Variants in NAA80 observed in about 807,000 individuals in gnomAD.
The protein encoded by NAA80 is N-alpha-acetyltransferase 80.
NAA80 carries 5 observed loss-of-function variants against 8.7 expected under a neutral mutation model. The ratio of observed to expected loss-of-function variants is 0.58; its 90% CI spans 0.30 to 1.21. The LOEUF (loss-of-function observed/expected upper bound fraction) is 1.21, where lower values mean the gene tolerates loss of function less well. Among genes scored for constraint, NAA80 ranks in the 50% most tolerant of loss-of-function variants. NAA80 has a pLI of 0.07. For synonymous variants in NAA80, 149 were observed against 156.6 expected (o/e 0.95, Z 0.36); for missense variants, 360 against 368.6 (o/e 0.98, Z 0.19).
chr3:50,297,142 G>C lies in NAA80; in HGVS notation c.322C>G (p.Leu108Val). 1 of 1,589,038 alleles carries C rather than the reference G, an allele frequency of 6.3e-7. No homozygotes were observed. The highest frequency in any genetic ancestry group is 8.6e-7 in the Non-Finnish European group (1 of 1,166,314). ...SDAFPLCLML[L>V]SPHPTLEAAP... ...GCTTCAAGTGTGGGGTGGGGGCTTAGCAGCATCAGGCAGAGGGGGAAGGCA... is the reference window on the plus strand; with the variant it reads ...GCTTCAAGTGTGGGGTGGGGGCTTACCAGCATCAGGCAGAGGGGGAAGGCA... The change falls in exon 2 of 2, where the codon CTA (leucine) becomes GTA (valine). Residue 108 changes from leucine (L) to valine (V), a missense_variant. Coordinates refer to ENST00000443094, the MANE Select transcript of NAA80 (RefSeq NM_001200016.2). The surrounding 1 kb of genome is among the most constrained non-coding windows in gnomAD (Gnocchi z 4.3).
In NAA80 at chr3:50,297,788, C is replaced by T. The variant is rs1301098642; in HGVS notation, c.-209-116G>A. 6 of 1,223,054 alleles carry T rather than the reference C, an allele frequency of 4.9e-6. No homozygotes were observed. Among genetic ancestry groups the T allele is most frequent in the Non-Finnish European group, 6.1e-6 (6 of 979,856 alleles). 75.8% of individuals were successfully genotyped at this position (1,223,054 alleles called of 1,614,324 possible). On this transcript the variant is annotated intron_variant, in intron 1 of 1. Coordinates refer to ENST00000443094, the MANE Select transcript of NAA80 (RefSeq NM_001200016.2). This position sits in a 1 kb window ranked among gnomAD's most constrained non-coding sequence, Gnocchi z 4.3. ...ACTGGAACTGGGGAGTGGTGGGCTGCACTTTGTCCCACACTCACCTGATAG... is the reference window on the plus strand; with the variant it reads ...ACTGGAACTGGGGAGTGGTGGGCTGTACTTTGTCCCACACTCACCTGATAG...
chr3:50,298,978 T>G, intron 1 of NAA80: 1 of 1,448,938 alleles, frequency 6.9e-7, no homozygotes, highest in Non-Finnish European at 9.1e-7. Flanking sequence ...CCTCAGAGAG[T>G]GGCTTCTCCG....
intron 1 of NAA80, 124 bp downstream of exon 1, chr3:50,299,089 G>A (rs1702006859): frequency 8.1e-6 from 13 of 1,604,114 alleles, no homozygotes; most frequent in Non-Finnish European, 1.0e-5. Flanking sequence ...GGGCAGGTGT[G>A]GCTCGGCATG....
rs781878077 is a variant in NAA80, at chr3:50,296,798, C to T, written c.666G>A (p.Arg222=). 7 of 1,583,670 alleles carry T rather than the reference C, an allele frequency of 4.4e-6. No individual in the cohort carries two copies. The South Asian group carries it at 6.9e-5, about 16-fold the overall frequency. Reference sequence around the variant, plus strand: ...CTTGGGCAGTCAGGTTTGGGGCCTTCCTGGGTGGCCGGGGAGAGGGGGCTG... The same window carrying T: ...CTTGGGCAGTCAGGTTTGGGGCCTTTCTGGGTGGCCGGGGAGAGGGGGCTG... ...FPTAPSPRPP[R]KAPNLTAQAA... is the part of the protein sequence containing the mutation. The change falls in exon 2 of 2, where the codon AGG becomes AGA. Residue 222 remains arginine (R), a synonymous_variant. Transcript: ENST00000443094.
rs782557024 is a variant in NAA80 at position 50,296,618 on chromosome 3, C to T, written c.846G>A (p.Met282Ile). 6.2e-7 allele frequency: 1 copy of T among 1,614,058 alleles called. No homozygotes were observed. The highest frequency in any genetic ancestry group is 1.1e-5 in the South Asian group (1 of 91,078). The change falls in exon 2 of 2, where the codon ATG becomes ATA. Residue 282 changes from methionine (M) to isoleucine (I), a missense_variant. Transcript: ENST00000443094. ...QNVRGRPIFW[M>I]EKDI ...CTGGATGGCCTCAGATGTCTTTTTCCATCCAGAATATGGGGCGCCCCCTCA... is the reference window on the plus strand; with the variant it reads ...CTGGATGGCCTCAGATGTCTTTTTCTATCCAGAATATGGGGCGCCCCCTCA...
At position 50,297,318 on chromosome 3, in the gene NAA80, G is replaced by A. The variant is rs782249745; in HGVS notation, c.146C>T (p.Pro49Leu). The change falls in exon 2 of 2, where the codon CCA (proline) becomes CTA (leucine). Residue 49 changes from proline to leucine, a missense_variant. By Grantham distance (98) the Pro-to-Leu change is moderately conservative. Coordinates refer to ENST00000443094, the MANE Select transcript of NAA80 (RefSeq NM_001200016.2). The surrounding 1 kb of genome is among the most constrained non-coding windows in gnomAD (Gnocchi z 4.3). ...TELTLDPEHQPEETPAPSLAE... is the reference protein window; with the variant it reads ...TELTLDPEHQLEETPAPSLAE... ...CAGGCTAGGAGCTGGGGTCTCCTCT[G>A]GCTGGTGTTCAGGATCCAGGGTAAG... 1 of 1,607,422 alleles carries A rather than the reference G, an allele frequency of 6.2e-7. No homozygotes were observed. The highest frequency in any genetic ancestry group is 1.1e-5 in the South Asian group (1 of 90,176).
rs782077092 is a variant in NAA80 at position 50,297,576 on chromosome 3, AC to A, written c.-114del. 1 of 1,491,216 alleles carries A rather than the reference AC, an allele frequency of 6.7e-7. No homozygotes were observed. The highest frequency in any genetic ancestry group is 8.9e-7 in the Non-Finnish European group (1 of 1,121,842). The allele number at this position is 1,491,216 out of a possible 1,614,324, so 92.4% of individuals were successfully genotyped here. A position where few individuals can be genotyped will look rare whatever the true frequency, so the allele number is the denominator to read the frequency against. ...CTGAGTCAGGCTGGGAGCCAAGGTCACCTGCTGCTAGGTTGCAGGTGGCTCA... is the reference window on the plus strand; with the variant it reads ...CTGAGTCAGGCTGGGAGCCAAGGTCACTGCTGCTAGGTTGCAGGTGGCTCA... On this transcript the variant is annotated 5_prime_UTR_variant, in exon 2 of 2. Transcript: ENST00000443094. The surrounding 1 kb of genome is among the most constrained non-coding windows in gnomAD (Gnocchi z 4.3).
In NAA80 at chr3:50,297,232, G is replaced by A. The variant is rs1245395347; in HGVS notation, c.232C>T (p.Leu78Phe). 3.7e-6 allele frequency: 6 copies of A among 1,612,474 alleles called. No individual in the cohort carries two copies. The highest frequency in any genetic ancestry group is 1.3e-5 in the African/African-American group (1 of 74,888). Reference sequence around the variant, plus strand: ...CTGCGGGGCCACTGATCATTGATGAGGTCAGCACAAGCATCCAGGAGCTCG... The same window carrying A: ...CTGCGGGGCCACTGATCATTGATGAAGTCAGCACAAGCATCCAGGAGCTCG... ...RPELLDACAD[L>F]INDQWPRSRT... Residue 78 changes from leucine to phenylalanine, a missense_variant, in exon 2 of 2, where the codon CTC becomes TTC. Coordinates refer to ENST00000443094, the MANE Select transcript of NAA80 (RefSeq NM_001200016.2). This position sits in a 1 kb window ranked among gnomAD's most constrained non-coding sequence, Gnocchi z 4.3.
In NAA80 at chr3:50,296,964, C is replaced by G; in HGVS notation, c.500G>C (p.Arg167Pro). 3 of 1,594,834 alleles carry G rather than the reference C, an allele frequency of 1.9e-6. No homozygotes were observed. Among genetic ancestry groups the G allele is most frequent in the Middle Eastern group, 1.7e-4 (1 of 5,936 alleles). Residue 167 changes from arginine (R) to proline (P), a missense_variant, in exon 2 of 2, where the codon CGG (arginine) becomes CCG (proline). Coordinates refer to ENST00000443094, the MANE Select transcript of NAA80 (RefSeq NM_001200016.2). ...MEGLEVFARA[R>P]GFRKLHLTTH... ...GGTGAGATGCAGCTTGCGGAAGCCC[C>G]GGGCCCGAGCAAAGACCTCCAGGCC...
At chr3:50,298,123 C>T (rs587714783) in intron 1 of NAA80, 1 of 983,910 alleles carries the variant, frequency 1.0e-6, no homozygotes, top group East Asian at 1.1e-4. Context: ...GACACTATAC[C>T]CCCTGCTCAA....
chr3:50,296,887 G>T lies in NAA80; in HGVS notation c.577C>A (p.Pro193Thr). Reference protein sequence around the residue: ...YTHLGYQLGEPVQGLVFTSRR... With the variant: ...YTHLGYQLGETVQGLVFTSRR... ...CTGGTGAAGACCAGGCCCTGCACAG[G>T]CTCACCCAGCTGGTAGCCCAGGTGG... The change falls in exon 2 of 2, where the codon CCT (proline) becomes ACT (threonine). Residue 193 changes from proline (P) to threonine (T), a missense_variant. Transcript: ENST00000443094. The T allele has an allele frequency of 6.2e-7, 1 of 1,606,970 alleles. No homozygotes were observed. The highest frequency in any genetic ancestry group is 8.5e-7 in the Non-Finnish European group (1 of 1,177,414).
Position 50,296,722 on chromosome 3 carries a change from G to A in NAA80, c.742C>T (p.Pro248Ser). 1.2e-6 allele frequency: 2 copies of A among 1,612,956 alleles called. No homozygotes were observed. Among genetic ancestry groups the A allele is most frequent in the Admixed American group, 1.7e-5 (1 of 59,948 alleles). The change falls in exon 2 of 2, where the codon CCT (proline) becomes TCT (serine). Residue 248 changes from proline (P) to serine (S), a missense_variant. By Grantham distance (74) the Pro-to-Ser change is moderately conservative. Coordinates refer to ENST00000443094, the MANE Select transcript of NAA80 (RefSeq NM_001200016.2). ...GGGGGTGAGATGGTCAGGCACTCAG[G>A]TAGGGGAGGGGGTGGTGGCAATGGA... ...GPPLPPPPPL[P>S]ECLTISPPVP...
rs1701875359 is a variant in NAA80, at chr3:50,296,973, G to A, written c.491C>T (p.Ala164Val). ...RRLMEGLEVF[A>V]RARGFRKLHL... Reference sequence around the variant, plus strand: ...CAGCTTGCGGAAGCCCCGGGCCCGAGCAAAGACCTCCAGGCCCTCCATGAG... The same window carrying A: ...CAGCTTGCGGAAGCCCCGGGCCCGAACAAAGACCTCCAGGCCCTCCATGAG... Residue 164 changes from alanine (A) to valine (V), a missense_variant, in exon 2 of 2, where the codon GCT (alanine) becomes GTT (valine). By Grantham distance (64) the Ala-to-Val change is moderately conservative. Transcript: ENST00000443094. The A allele has an allele frequency of 1.3e-6, 2 of 1,590,444 alleles. No individual in the cohort carries two copies. The highest frequency in any genetic ancestry group is 1.7e-6 in the Non-Finnish European group (2 of 1,170,954).
rs1701846342 is a variant in NAA80, at chr3:50,296,551, C to CT, written c.*51dup. The CT allele has an allele frequency of 3.8e-6, 6 of 1,576,068 alleles. No homozygotes were observed. In the South Asian group the frequency reaches 5.7e-5, roughly 15 times the overall value. On this transcript the variant is annotated 3_prime_UTR_variant, in exon 2 of 2. Transcript: ENST00000443094. ...TGGTCAGTGGGCTGAGGCTTGTAGA[C>CT]TGTCGGGGCAGTCTATTGAACCAGA...
chr3:50,299,024 T>G, intron 1 of NAA80, 189 bp downstream of exon 1: 2 of 1,509,366 alleles, frequency 1.3e-6, no homozygotes, highest in Non-Finnish European at 1.8e-6. Context: ...TCCCTCCTAG[T>G]GGGTCACAGG....
Position 50,299,343 on chromosome 3 carries a change from G to C in NAA80, c.-340C>G. ...GCGGTGCGGCGGATGTTCTGCAGCC[G>C]TCGCGTCCTGCGGCACGCCACGGCG... On this transcript the variant is annotated 5_prime_UTR_variant, in exon 1 of 2. Coordinates refer to ENST00000443094, the MANE Select transcript of NAA80 (RefSeq NM_001200016.2). 4 of 1,572,232 alleles carry C rather than the reference G, an allele frequency of 2.5e-6. No individual in the cohort carries two copies. Among genetic ancestry groups the C allele is most frequent in the South Asian group, 2.3e-5 (2 of 88,302 alleles).
chr3:50,297,874 A>G lies in NAA80; in HGVS notation c.-209-202T>C. 1 of 1,019,650 alleles carries G rather than the reference A, an allele frequency of 9.8e-7. No homozygotes were observed. The highest frequency in any genetic ancestry group is 4.5e-5 in the South Asian group (1 of 22,098). The allele number at this position is 1,019,650 out of a possible 1,614,324, so 63.2% of individuals were successfully genotyped here. A position where few individuals can be genotyped will look rare whatever the true frequency, so the allele number is the denominator to read the frequency against. On this transcript the variant is annotated intron_variant, in intron 1 of 1. Transcript: ENST00000443094. The surrounding 1 kb of genome is among the most constrained non-coding windows in gnomAD (Gnocchi z 4.3). ...GCAGGGCAGATAGATCCAGGTGTCT[A>G]CCCCACATTGGAGGGAGGCTGGGAG... is the stretch of plus-strand genomic sequence containing the variant.
chr3:50,296,623 A>C lies in NAA80; in HGVS notation c.841T>G (p.Trp281Gly), dbSNP rs373888358. The C allele has an allele frequency of 1.1e-4, 176 of 1,613,876 alleles. No homozygotes were observed. The highest frequency in any genetic ancestry group is 1.5e-4 in the Non-Finnish European group (175 of 1,180,006). The change falls in exon 2 of 2, where the codon TGG (tryptophan) becomes GGG (glycine). Residue 281 changes from tryptophan to glycine, a missense_variant. Physicochemically the swap from Trp to Gly is radical, Grantham distance 184. Coordinates refer to ENST00000443094, the MANE Select transcript of NAA80 (RefSeq NM_001200016.2). ...YQNVRGRPIF[W>G]MEKDI is the part of the protein sequence containing the mutation. ...TGGCCTCAGATGTCTTTTTCCATCC[A>C]GAATATGGGGCGCCCCCTCACATTT...
chr3:50,298,963 G>A (rs1575507547), intron 1 of NAA80: 2 of 1,435,362 alleles, frequency 1.4e-6, no homozygotes, highest in Non-Finnish European at 1.8e-6. Context: ...GCGGGGCTCC[G>A]GGGTCCTCAG....
Sources: allele counts gnomAD v4.1 joint callset, GRCh38; gene constraint gnomAD v4.1.1; non-coding constraint Gnocchi (gnomAD v3.1); transcripts MANE v1.5; gene names NCBI Gene and HGNC (gene_info 2026-07-23, HGNC 2026-07-21).